The following DNAH7 variants were observed in gnomAD, a reference collection of about 807,000 sequenced individuals.
DNAH7 encodes the protein dynein axonemal heavy chain 7.
In DNAH7, 397 loss-of-function variants were observed where a neutral mutation model predicts 444.6. The observed-to-expected ratio is 0.89, with a 90% CI of 0.82 to 0.97. The LOEUF (loss-of-function observed/expected upper bound fraction) is 0.97. Among genes scored for constraint, DNAH7 ranks in the 50% least tolerant of loss-of-function variants. The probability of loss-of-function intolerance (pLI) is 0.00; values close to 1 mark genes in which losing one functional copy is unlikely to be tolerated. For missense variants in DNAH7, 4,902 were observed against 4,800.8 expected (o/e 1.02, Z -0.62); for synonymous variants, 1,636 against 1,624.4 (o/e 1.01, Z -0.17).
intron 44 of DNAH7, 90 bp downstream of exon 44, chr2:195,857,287 C>T: frequency 8.7e-7 from 1 of 1,155,964 alleles, no homozygotes; most frequent in South Asian, 1.8e-5. Context: ...AGGAGCCTCT[C>T]ACTTACATAA....
intron 40 of DNAH7, among the ~76,000 whole-genome samples, chr2:195,871,713 C>T (rs1186386706): frequency 3.6e-5 from 3 of 84,030 alleles, no homozygotes; most frequent in East Asian, 4.5e-4. Context: ...AGGCGGATCA[C>T]GAGGTCAGGA....
intron 2 of DNAH7, 122 bp downstream of exon 2, chr2:196,057,932 A>G (rs1376783906): frequency 1.3e-6 from 1 of 753,866 alleles, no homozygotes; most frequent in Non-Finnish European, 2.0e-6. Flanking sequence ...AAAGAATCAA[A>G]TGGAATTTAA....
intron 5 of DNAH7, among the ~76,000 whole-genome samples, chr2:196,040,230 C>G (rs1056814710): frequency 6.6e-6 from 1 of 152,076 alleles, no homozygotes; most frequent in African/African-American, 2.4e-5. Context: ...ACAAGGTAAG[C>G]ATTACCTTGA....
intron 61 of DNAH7, among the ~76,000 whole-genome samples, chr2:195,764,947 G>T (rs919836997): frequency 2.0e-5 from 3 of 150,900 alleles, no homozygotes; most frequent in Non-Finnish European, 4.4e-5. Context: ...TGAGCAAAAT[G>T]ATTAAAACTG....
intron 2 of DNAH7, among the ~76,000 whole-genome samples, chr2:196,053,489 C>T (rs1697612096): frequency 6.6e-6 from 1 of 152,186 alleles, no homozygotes; most frequent in Non-Finnish European, 1.5e-5. Context: ...CATACAAAAG[C>T]TATTTCATAA....
Position 195,814,480 on chromosome 2 carries a change from T to C in DNAH7, c.9761+2148A>G, listed in dbSNP as rs201917168. On this transcript the variant is annotated intron_variant, in intron 51 of 64. Transcript: ENST00000312428. Reference sequence around the variant, plus strand: ...TCTAACTTGATATAATAGGAGACAATAAAGGACCCATCATTATTTTCAAAG... The same window carrying C: ...TCTAACTTGATATAATAGGAGACAACAAAGGACCCATCATTATTTTCAAAG... Among the ~76,000 whole-genome samples, 23 of 152,262 alleles carry C rather than the reference T, an allele frequency of 1.5e-4. No individual in the cohort carries two copies. In the East Asian group the frequency reaches 4.4e-3, roughly 29 times the overall value.
At chr2:195,966,748 T>C (rs1168913907) in intron 17 of DNAH7, among the ~76,000 whole-genome samples, 2 of 152,196 alleles carry the variant, frequency 1.3e-5, no homozygotes, top group Admixed American at 6.5e-5. Flanking sequence ...TTTTGCCTGA[T>C]ACAAGCATTG....
chr2:195,772,184 G>A (rs551804190), intron 60 of DNAH7, among the ~76,000 whole-genome samples: 4 of 152,328 alleles, frequency 2.6e-5, no homozygotes, highest in Non-Finnish European at 5.9e-5. Flanking sequence ...AGGGGGAGTT[G>A]CAGATGCTGC....
At chr2:195,935,356 C>A (rs896416501) in intron 20 of DNAH7, among the ~76,000 whole-genome samples, 1 of 152,152 alleles carries the variant, frequency 6.6e-6, no homozygotes. Flanking sequence ...TTGCATTCAT[C>A]TTTCAAATGG....
At chr2:195,970,319 T>A (rs1170576279) in intron 16 of DNAH7, among the ~76,000 whole-genome samples, 1 of 152,206 alleles carries the variant, frequency 6.6e-6, no homozygotes, top group Non-Finnish European at 1.5e-5. Context: ...AAGTCAACTC[T>A]GTATTATCTA....
At chr2:195,874,665 A>C (rs543795847) in intron 38 of DNAH7, among the ~76,000 whole-genome samples, 13 of 151,728 alleles carry the variant, frequency 8.6e-5, no homozygotes, top group African/African-American at 3.1e-4. Context: ...ACAAAATATG[A>C]AACAAAATTA....
At chr2:195,883,028 C>G (rs341951) in intron 35 of DNAH7, among the ~76,000 whole-genome samples, 45,748 of 152,084 alleles carry the variant, frequency 0.3, 9,799 homozygotes, top group African/African-American at 0.61. Flanking sequence ...ATTCACATCA[C>G]TCTGAAAATT....
At chr2:195,835,503 A>T (rs1187161857) in intron 47 of DNAH7, among the ~76,000 whole-genome samples, 1 of 152,166 alleles carries the variant, frequency 6.6e-6, no homozygotes, top group Admixed American at 6.6e-5. Flanking sequence ...GTCCCCCAAA[A>T]TAAAAAAAAC....
At chr2:195,987,347 A>C (rs1468380168) in intron 13 of DNAH7, among the ~76,000 whole-genome samples, 154 bp from the exon 14 acceptor site, 4 of 152,144 alleles carry the variant, frequency 2.6e-5, no homozygotes, top group African/African-American at 9.7e-5. Context: ...TTTCCAAATA[A>C]TCATTTGTAT....
At chr2:195,908,933 T>C (rs1687197779) in intron 25 of DNAH7, among the ~76,000 whole-genome samples, 1 of 152,204 alleles carries the variant, frequency 6.6e-6, no homozygotes, top group Admixed American at 6.6e-5. Context: ...TGAGGGTTGG[T>C]ATATTCTATT....
At chr2:195,969,828 C>T in intron 17 of DNAH7, 120 bp downstream of exon 17, 2 of 970,390 alleles carry the variant, frequency 2.1e-6, no homozygotes. Context: ...TTCTATTATC[C>T]TCTAATTAAA....
At chr2:195,856,904 A>C (rs1027282174) in intron 44 of DNAH7, among the ~76,000 whole-genome samples, 2 of 152,158 alleles carry the variant, frequency 1.3e-5, no homozygotes, top group Non-Finnish European at 2.9e-5. Context: ...GTGTCTGGCT[A>C]TCTCACATTA....
chr2:195,982,540 T>C (rs1030960125), intron 15 of DNAH7, among the ~76,000 whole-genome samples: 2 of 152,330 alleles, frequency 1.3e-5, no homozygotes, highest in Non-Finnish European at 2.9e-5. Flanking sequence ...CTATGTTTGT[T>C]GCAGCACTAT....
In DNAH7 at chr2:195,799,430, G is replaced by T; in HGVS notation, c.10219C>A (p.Arg3407Ser). Residue 3407 changes from arginine to serine, a missense_variant, in exon 55 of 65, where the codon CGT (arginine) becomes AGT (serine). Transcript: ENST00000312428. ...LQEFIINRLG[R>S]AFIEPPPFDL... ...AAGGGGGGTGGTTCAATGAATGCACGTCCCAATCTGTTGATTATAAATTCC... is the reference window on the plus strand; with the variant it reads ...AAGGGGGGTGGTTCAATGAATGCACTTCCCAATCTGTTGATTATAAATTCC... 6.2e-7 allele frequency: 1 copy of T among 1,605,996 alleles called. No individual in the cohort carries two copies. The highest frequency in any genetic ancestry group is 8.5e-7 in the Non-Finnish European group (1 of 1,176,648).
Sources: gnomAD v4.1 joint callset for allele counts (sites outside exome capture counted in the v4.1 genomes callset) on GRCh38, gnomAD v4.1.1 for gene constraint, MANE v1.5 for transcripts, NCBI Gene and HGNC (gene_info 2026-07-23, HGNC 2026-07-21) for gene names.